Variants in PRDM16 observed in about 807,000 individuals in gnomAD.
PRDM16 encodes PR/SET domain 16.
Under a neutral mutation model 110.6 loss-of-function variants are expected in PRDM16, and 23 were observed. That is an observed-to-expected ratio of 0.21 (90% CI 0.15 to 0.29). The LOEUF is 0.29. PRDM16 is among the 10% of genes least tolerant of loss of function. The pLI is 1.00. For missense variants in PRDM16, 1,615 were observed against 1,794.3 expected (o/e 0.90, Z 1.81); for synonymous variants, 799 against 781.8 (o/e 1.02, Z -0.37).
At chr1:3,423,504 G>A (rs112919129) in intron 12 of PRDM16, among the ~76,000 whole-genome samples, 2,822 of 152,256 alleles carry the variant, frequency 0.019, 94 homozygotes, top group African/African-American at 0.063. Flanking sequence ...CGAGAAGGCC[G>A]AGCCACACAG....
At chr1:3,144,973 G>C (rs1643618228) in intron 1 of PRDM16, among the ~76,000 whole-genome samples, 1 of 152,178 alleles carries the variant, frequency 6.6e-6, no homozygotes, top group African/African-American at 2.4e-5. Context: ...TGCGGCTTCA[G>C]GTGAGGTCAC....
chr1:3,116,629 T>A (rs1041062987), intron 1 of PRDM16, among the ~76,000 whole-genome samples: 6 of 152,238 alleles, frequency 3.9e-5, no homozygotes, highest in African/African-American at 1.4e-4. Flanking sequence ...CAGCTCCGGC[T>A]CTGATGGCAG....
chr1:3,144,285 G>A (rs1643604727), intron 1 of PRDM16, among the ~76,000 whole-genome samples: 1 of 152,186 alleles, frequency 6.6e-6, no homozygotes, highest in Non-Finnish European at 1.5e-5. Context: ...TCCCTGGGAG[G>A]GAGAGAGGCG....
chr1:3,229,844 C>T (rs147033912), intron 2 of PRDM16, among the ~76,000 whole-genome samples: 121 of 152,314 alleles, frequency 7.9e-4, no homozygotes, highest in Non-Finnish European at 1.6e-3. Flanking sequence ...TTCTCAGACA[C>T]GGGCGGGAGG....
intron 3 of PRDM16, among the ~76,000 whole-genome samples, chr1:3,260,778 A>ATGG (rs1640146980): frequency 7.0e-6 from 1 of 142,288 alleles, no homozygotes; most frequent in African/African-American, 2.7e-5. Flanking sequence ...GATGAGGGAG[A>ATGG]TGATGATGAT....
intron 3 of PRDM16, among the ~76,000 whole-genome samples, chr1:3,300,196 A>T (rs1288920695): frequency 4.1e-5 from 4 of 98,732 alleles, no homozygotes; most frequent in African/African-American, 1.2e-4. Context: ...GCCCTTGTTG[A>T]AGATGCTATG....
chr1:3,091,950 G>A (rs547947891), intron 1 of PRDM16, among the ~76,000 whole-genome samples: 11 of 152,342 alleles, frequency 7.2e-5, no homozygotes, highest in African/African-American at 2.4e-4. Context: ...AAAATCAATG[G>A]GACCGTGAGG....
rs1275870852 is a variant in PRDM16, at chr1:3,438,042, G to GT, written c.*4237dup. ...ATTTGGTTTAGTTTTGTTTTGTTTT[G>GT]TTTTTTCTTTTAGAACTGTATAGTA... is the stretch of plus-strand genomic sequence containing the variant. On this transcript the variant is annotated 3_prime_UTR_variant, in exon 17 of 17. Coordinates refer to ENST00000270722, the MANE Select transcript of PRDM16 (RefSeq NM_022114.4). 4.8e-6 allele frequency: 1 copy of GT among 206,432 alleles called. No individual in the cohort carries two copies. The highest frequency in any genetic ancestry group is 9.9e-6 in the Non-Finnish European group (1 of 101,086). 12.8% of individuals were successfully genotyped at this position (206,432 alleles called of 1,614,324 possible).
At chr1:3,162,332 A>G (rs1643905638) in intron 1 of PRDM16, among the ~76,000 whole-genome samples, 1 of 151,542 alleles carries the variant, frequency 6.6e-6, no homozygotes. Flanking sequence ...GTAAATAGTG[A>G]CTCTGCCTCC....
chr1:3,297,153 C>T (rs944773067), intron 3 of PRDM16, among the ~76,000 whole-genome samples: 2 of 152,162 alleles, frequency 1.3e-5, no homozygotes, highest in African/African-American at 2.4e-5. Flanking sequence ...GTCCTCTGTC[C>T]GCTTTCTGCC....
At position 3,356,262 on chromosome 1, in the gene PRDM16, C is replaced by A. The variant is rs184903484; in HGVS notation, c.439-28890C>A. Among the ~76,000 whole-genome samples, 1,386 of 152,260 alleles carry A rather than the reference C, an allele frequency of 9.1e-3. 42 individuals are homozygous for A. The highest frequency in any genetic ancestry group is 0.042 in the Admixed American group (649 of 15,296). ...GGTGTTTGTGGAATTGTTCCAAAGCCCCCCCCAGCCCCCCTGCGCCAAGCC... is the reference window on the plus strand; with the variant it reads ...GGTGTTTGTGGAATTGTTCCAAAGCACCCCCCAGCCCCCCTGCGCCAAGCC... On this transcript the variant is annotated intron_variant, in intron 3 of 16. Coordinates refer to ENST00000270722, the MANE Select transcript of PRDM16 (RefSeq NM_022114.4).
intron 4 of PRDM16, among the ~76,000 whole-genome samples, chr1:3,388,311 T>C (rs1643236607): frequency 1.3e-5 from 2 of 151,370 alleles, no homozygotes; most frequent in Admixed American, 1.3e-4. Context: ...TCTCTTTCTC[T>C]GTCTCTCTCT....
chr1:3,427,909 C>T (rs920473509), intron 14 of PRDM16, among the ~76,000 whole-genome samples: 1 of 152,176 alleles, frequency 6.6e-6, no homozygotes, highest in African/African-American at 2.4e-5. Context: ...CTGAGACAGC[C>T]GCATGGGAGC....
chr1:3,181,735 TACAC>T (rs1295001712), intron 1 of PRDM16, among the ~76,000 whole-genome samples: 1 of 143,172 alleles, frequency 7.0e-6, no homozygotes, highest in Non-Finnish European at 1.5e-5. Context: ...CACACGGTCT[TACAC>T]ACGGAGTCTT....
In PRDM16 at chr1:3,430,983, C is replaced by T. The variant is rs1233356790; in HGVS notation, c.3396C>T (p.Asp1132=). 10 of 1,608,214 alleles carry T rather than the reference C, an allele frequency of 6.2e-6. No individual in the cohort carries two copies. Among genetic ancestry groups the T allele is most frequent in the African/African-American group, 1.3e-5 (1 of 74,932 alleles). Residue 1132 remains aspartate, a synonymous_variant, in exon 15 of 17, where the codon GAC becomes GAT. Coordinates refer to ENST00000270722, the MANE Select transcript of PRDM16 (RefSeq NM_022114.4). ...ATGACCTGGAGGAGGACGATGAGGA[C>T]AGCCTGGCCGGGAAGTCGCAGGATG... ...DDDDLEEDDE[D]SLAGKSQDDT...
chr1:3,149,371 C>T (rs370369343), intron 1 of PRDM16, among the ~76,000 whole-genome samples: 66 of 152,194 alleles, frequency 4.3e-4, no homozygotes, highest in Non-Finnish European at 6.6e-4. Context: ...GGGCCAGAGT[C>T]GGATGGGGAG....
intron 1 of PRDM16, among the ~76,000 whole-genome samples, chr1:3,181,796 A>AGTCTTACACATGCG (rs1644206549): frequency 7.4e-6 from 1 of 134,624 alleles, no homozygotes; most frequent in Non-Finnish European, 1.6e-5. Context: ...TTACACATGC[A>AGTCTTACACATGCG]GTCTTACACA....
In PRDM16 at chr1:3,384,883, G is replaced by A. The variant is rs77371469; in HGVS notation, c.439-269G>A. ...AACTCTGGAGGCTCATTTTATCGCC[G>A]GGCCAGGGCAGTGATCTGCTCGGTG... On this transcript the variant is annotated intron_variant, in intron 3 of 16. Transcript: ENST00000270722. 4.8e-3 allele frequency among the ~76,000 whole-genome samples: 730 copies of A among 152,278 alleles called. 4 individuals are homozygous for A. The highest frequency in any genetic ancestry group is 8.5e-3 in the Non-Finnish European group (579 of 68,022).
At chr1:3,317,096 A>G (rs1259480192) in intron 3 of PRDM16, among the ~76,000 whole-genome samples, 1 of 152,204 alleles carries the variant, frequency 6.6e-6, no homozygotes, top group Non-Finnish European at 1.5e-5. Context: ...AAGCAATGAC[A>G]TACGTAATGA....
Sources: gnomAD v4.1 joint callset for allele counts (sites outside exome capture counted in the v4.1 genomes callset) on GRCh38, gnomAD v4.1.1 for gene constraint, MANE v1.5 for transcripts, NCBI Gene and HGNC (gene_info 2026-07-23, HGNC 2026-07-21) for gene names.